The following UPP2 variants were observed in gnomAD, a reference collection of about 807,000 sequenced individuals.
The protein encoded by UPP2 is uridine phosphorylase 2.
In UPP2, 23 loss-of-function variants were observed where a neutral mutation model predicts 26.7. The observed-to-expected ratio is 0.86, with a 90% CI of 0.62 to 1.22. The LOEUF is 1.22. UPP2 is among the 50% of genes most tolerant of loss of function. The pLI, the probability that UPP2 is intolerant of heterozygous loss-of-function variation, is 0.00. For synonymous variants in UPP2, 127 were observed against 141.3 expected (o/e 0.90, Z 0.72); for missense variants, 387 against 396.7 (o/e 0.98, Z 0.21).
intron 3 of UPP2, among the ~76,000 whole-genome samples, chr2:158,086,969 T>C (rs1682827145): frequency 2.6e-5 from 4 of 152,080 alleles, no homozygotes; most frequent in African/African-American, 9.7e-5. Context: ...TATTCTGCAG[T>C]TGTTGGGTAT....
chr2:158,117,772 G>C, intron 3 of UPP2, 52 bp from the exon 4 acceptor site: 1 of 1,338,402 alleles, frequency 7.5e-7, no homozygotes, highest in South Asian at 1.2e-5. Context: ...ATTATGTCCT[G>C]TTCATGTATC....
chr2:158,124,423 G>A (rs945774191), intron 6 of UPP2, among the ~76,000 whole-genome samples: 1 of 152,156 alleles, frequency 6.6e-6, no homozygotes, highest in African/African-American at 2.4e-5. Context: ...AATGGGAGGA[G>A]AGAGGGAAGA....
At position 158,071,004 on chromosome 2, in the gene UPP2, C is replaced by G. The variant is rs57048604; in HGVS notation, c.148-31036C>G. On this transcript the variant is annotated intron_variant, in intron 3 of 9. Coordinates refer to the UPP2 transcript ENST00000605860. Reference sequence around the variant, plus strand: ...GGATCAGCCTTAGCCGGAGGGGGATCATCCATCCCAGTGGTTGGGACTTGA... The same window carrying G: ...GGATCAGCCTTAGCCGGAGGGGGATGATCCATCCCAGTGGTTGGGACTTGA... Among the ~76,000 whole-genome samples, 1,122 of 152,308 alleles carry G rather than the reference C, an allele frequency of 7.4e-3. 18 individuals carry two copies. Among genetic ancestry groups the G allele is most frequent in the African/African-American group, 0.026 (1,065 of 41,574 alleles).
At chr2:158,108,047 C>T (rs544741284) in intron 2 of UPP2, among the ~76,000 whole-genome samples, 1 of 152,280 alleles carries the variant, frequency 6.6e-6, no homozygotes, top group South Asian at 2.1e-4. Context: ...AGGGATGACT[C>T]TGATTAATTG....
At chr2:158,055,691 G>C (rs1204984677) in intron 3 of UPP2, among the ~76,000 whole-genome samples, 1 of 152,194 alleles carries the variant, frequency 6.6e-6, no homozygotes, top group African/African-American at 2.4e-5. Flanking sequence ...AGGAAGGGTA[G>C]GGAATTCAGG....
upstream of UPP2, among the ~76,000 whole-genome samples, chr2:158,101,480 T>C (rs948456795): frequency 6.6e-6 from 1 of 152,210 alleles, no homozygotes; most frequent in African/African-American, 2.4e-5. Context: ...GTCCAGACTT[T>C]GGATGCTTCC....
intron 6 of UPP2, among the ~76,000 whole-genome samples, chr2:158,132,377 A>G (rs1039150948): frequency 3.2e-4 from 49 of 152,342 alleles, no homozygotes; most frequent in African/African-American, 1.2e-3. Flanking sequence ...CTCTTCTCTC[A>G]TCAGTTTAGG....
At chr2:158,054,247 G>A (rs1027562602) in intron 3 of UPP2, among the ~76,000 whole-genome samples, 13 of 152,122 alleles carry the variant, frequency 8.5e-5, no homozygotes, top group Non-Finnish European at 8.8e-5. Flanking sequence ...GACAGAGTGA[G>A]ACCCTGTCTC....
At chr2:158,017,762 A>G (rs1683683467) in intron 3 of UPP2, among the ~76,000 whole-genome samples, 1 of 152,244 alleles carries the variant, frequency 6.6e-6, no homozygotes, top group Admixed American at 6.5e-5. Context: ...AAAACTAATT[A>G]AGATGTTCAA....
intron 2 of UPP2, among the ~76,000 whole-genome samples, chr2:158,013,446 G>A (rs1303990876): frequency 6.6e-6 from 1 of 152,246 alleles, no homozygotes; most frequent in African/African-American, 2.4e-5. Context: ...TGGCCTGGCT[G>A]CCAAGGCCCA....
chr2:158,116,905 G>A (rs1247519420), intron 3 of UPP2, among the ~76,000 whole-genome samples: 1 of 152,068 alleles, frequency 6.6e-6, no homozygotes, highest in African/African-American at 2.4e-5. Context: ...ACCAGAAAGG[G>A]GTAACGCAGA....
chr2:158,076,940 A>G (rs1449595104), intron 3 of UPP2, among the ~76,000 whole-genome samples: 1 of 152,108 alleles, frequency 6.6e-6, no homozygotes, highest in African/African-American at 2.4e-5. Context: ...CCACAAGGAA[A>G]CTATTAGAAC....
At chr2:158,015,860 C>A in exon 3 of UPP2, 1 of 452,794 alleles carries the variant, frequency 2.2e-6, no homozygotes, top group South Asian at 1.6e-5. Context: ...GCCTCCCAGC[C>A]ATGCTTCCTG....
chr2:158,043,206 C>T lies in UPP2; in HGVS notation c.147+27320C>T, dbSNP rs139958983. Among the ~76,000 whole-genome samples the T allele has an allele frequency of 9.2e-5, 14 of 152,278 alleles. No homozygotes were observed. The East Asian group carries it at 1.5e-3, about 17-fold the overall frequency. On this transcript the variant is annotated intron_variant, in intron 3 of 9. Coordinates refer to the UPP2 transcript ENST00000605860. ...GCTGGGGAGCATTTCAATGAGAAATCTTAGGGGTCTCCTTTCAACACTGTA... is the reference window on the plus strand; with the variant it reads ...GCTGGGGAGCATTTCAATGAGAAATTTTAGGGGTCTCCTTTCAACACTGTA...
chr2:158,113,096 G>C (rs1044488349), intron 2 of UPP2, among the ~76,000 whole-genome samples: 2 of 152,176 alleles, frequency 1.3e-5, no homozygotes, highest in Admixed American at 6.5e-5. Context: ...AGTAAGGAAG[G>C]CTTTAAGAAC....
rs1387133696 is a variant in UPP2 at position 158,123,811 on chromosome 2, A to G, written c.727A>G (p.Lys243Glu). 2 of 1,613,998 alleles carry G rather than the reference A, an allele frequency of 1.2e-6. No homozygotes were observed. The highest frequency in any genetic ancestry group is 2.2e-5 in the East Asian group (1 of 44,880). Residue 243 changes from lysine to glutamate, a missense_variant, in exon 6 of 7, where the codon AAG becomes GAG. Lys to Glu is a moderately conservative substitution (Grantham distance 56). Coordinates refer to ENST00000005756, the MANE Select transcript of UPP2 (RefSeq NM_173355.4). ...CAGAGAAAAAAAGTTAGACTACTTG[A>G]AGAGAGCATTTAAAGCTGGTGTCAG... ...FSREKKLDYL[K>E]RAFKAGVRNI...
chr2:158,083,558 G>A (rs1682762517), intron 3 of UPP2, among the ~76,000 whole-genome samples: 1 of 151,970 alleles, frequency 6.6e-6, no homozygotes, highest in Non-Finnish European at 1.5e-5. Flanking sequence ...CCCGTTGGGG[G>A]ATGGGGGGTT....
At chr2:158,007,780 C>A (rs1683515606) in intron 2 of UPP2, among the ~76,000 whole-genome samples, 1 of 152,120 alleles carries the variant, frequency 6.6e-6, no homozygotes, top group African/African-American at 2.4e-5. Flanking sequence ...ACCACCACAT[C>A]TGGCTAGAGA....
At chr2:157,997,929 T>A (rs921534815) in intron 2 of UPP2, among the ~76,000 whole-genome samples, 1 of 152,188 alleles carries the variant, frequency 6.6e-6, no homozygotes, top group Non-Finnish European at 1.5e-5. Flanking sequence ...TGGGAAAAAT[T>A]AACTTGCATG....
Sources: gnomAD v4.1 joint callset for allele counts (sites outside exome capture counted in the v4.1 genomes callset) on GRCh38, gnomAD v4.1.1 for gene constraint, MANE v1.5 for transcripts, NCBI Gene and HGNC (gene_info 2026-07-23, HGNC 2026-07-21) for gene names.